Variants in GPATCH8 observed in about 807,000 individuals in gnomAD.
The protein encoded by GPATCH8 is G-patch domain containing 8.
Under a neutral mutation model 118.3 loss-of-function variants are expected in GPATCH8, and 18 were observed. That is an observed-to-expected ratio of 0.15 (90% CI 0.11 to 0.23). The LOEUF is 0.23. Ranked by LOEUF, GPATCH8 falls within the 10% of genes least tolerant of loss-of-function variation. GPATCH8 has a pLI of 1.00. For synonymous variants in GPATCH8, 659 were observed against 684.7 expected (o/e 0.96, Z 0.59); for missense variants, 1,631 against 1,873.8 (o/e 0.87, Z 2.39).
chr17:44,447,668 G>A (rs554416164), intron 3 of GPATCH8, among the ~76,000 whole-genome samples: 1 of 149,646 alleles, frequency 6.7e-6, no homozygotes, highest in Admixed American at 6.7e-5. Flanking sequence ...GCTCAGGCTG[G>A]AGATTAGAGT....
At chr17:44,408,895 T>C (rs889822995) in intron 6 of GPATCH8, among the ~76,000 whole-genome samples, 1 of 152,158 alleles carries the variant, frequency 6.6e-6, no homozygotes, top group South Asian at 2.1e-4. Context: ...GCTCCCAGTA[T>C]CACATTTACA....
Position 44,397,854 on chromosome 17 carries a change from A to G in GPATCH8, c.4223T>C (p.Ile1408Thr), listed in dbSNP as rs2048835317. 1.9e-6 allele frequency: 3 copies of G among 1,604,542 alleles called. No individual in the cohort carries two copies. The highest frequency in any genetic ancestry group is 1.3e-5 in the African/African-American group (1 of 74,686). Residue 1408 changes from isoleucine (I) to threonine (T), a missense_variant, in exon 8 of 8, where the codon ATT (isoleucine) becomes ACT (threonine). Physicochemically the swap from Ile to Thr is moderately conservative, Grantham distance 89. Coordinates refer to ENST00000591680, the MANE Select transcript of GPATCH8 (RefSeq NM_001002909.4). ...HPQPLAQVHH[I>T]PQPHLTPISL... ...AATGGGGGTCAGATGGGGCTGGGGA[A>G]TATGATGCACCTGGGCAAGTGGTTG...
Position 44,398,032 on chromosome 17 carries a change from G to A in GPATCH8, c.4045C>T (p.Leu1349=). 1.2e-6 allele frequency: 2 copies of A among 1,613,894 alleles called. No homozygotes were observed. The highest frequency in any genetic ancestry group is 1.7e-6 in the Non-Finnish European group (2 of 1,179,798). ...TGCAGGGCTGGTGTGGCTGGGGCCA[G>A]GGCAGCTGAGGCTGGAAAGGCCTTT... ...QVKAFPASAA[L]APATPALQPI... The change falls in exon 8 of 8, where the codon CTG becomes TTG. Residue 1349 remains leucine (L), a synonymous_variant. Transcript: ENST00000591680.
At chr17:44,432,698 CAA>C (rs946183101) in intron 5 of GPATCH8, among the ~76,000 whole-genome samples, 2 of 151,868 alleles carry the variant, frequency 1.3e-5, no homozygotes, top group Non-Finnish European at 2.9e-5. Context: ...CTAAAGCTTC[CAA>C]AGTCATGTGA....
chr17:44,494,653 A>T (rs188319339), intron 1 of GPATCH8, among the ~76,000 whole-genome samples: 3 of 152,024 alleles, frequency 2.0e-5, no homozygotes, highest in African/African-American at 7.2e-5. Context: ...TACACCCTCT[A>T]CTCCTTTGCT....
In GPATCH8 at chr17:44,401,068, TCTC is replaced by T; in HGVS notation, c.1006_1008del (p.Glu336del). The T allele has an allele frequency of 6.2e-7, 1 of 1,614,158 alleles. No homozygotes were observed. Among genetic ancestry groups the T allele is most frequent in the South Asian group, 1.1e-5 (1 of 91,074 alleles). On this transcript the variant is annotated inframe_deletion, in exon 8 of 8. Coordinates refer to ENST00000591680, the MANE Select transcript of GPATCH8 (RefSeq NM_001002909.4). ...TTCTGCAGTCCTTGGTCAGAACTCT[TCTC>T]ATCGGGTTTTGTTCCATCTTCAGAG...
At chr17:44,477,693 T>G (rs764226865) in intron 1 of GPATCH8, among the ~76,000 whole-genome samples, 2 of 151,066 alleles carry the variant, frequency 1.3e-5, no homozygotes, top group African/African-American at 4.9e-5. Context: ...AGGAGGAGTA[T>G]GTTTTCCAAA....
chr17:44,494,357 C>T (rs1184102738), intron 1 of GPATCH8, among the ~76,000 whole-genome samples: 1 of 152,016 alleles, frequency 6.6e-6, no homozygotes. Context: ...TTTGGGAGGC[C>T]GAGGTGGGTG....
At chr17:44,475,518 C>A (rs964787937) in intron 1 of GPATCH8, among the ~76,000 whole-genome samples, 5 of 149,518 alleles carry the variant, frequency 3.3e-5, no homozygotes, top group Non-Finnish European at 5.9e-5. Flanking sequence ...CACGGTGAAA[C>A]CCCATCTCTA....
rs193171222 is a variant in GPATCH8 at position 44,495,965 on chromosome 17, T to C, written c.45+7361A>G. Among the ~76,000 whole-genome samples, 404 of 152,310 alleles carry C rather than the reference T, an allele frequency of 2.7e-3. 1 individual carries two copies. The highest frequency in any genetic ancestry group is 4.0e-3 in the Non-Finnish European group (273 of 68,020). On this transcript the variant is annotated intron_variant, in intron 1 of 7. Transcript: ENST00000591680. ...TCACTGCAACCTCCACCTCCCAGGTTCAAGAGATTCTCCTGCCCCAGCCTC... is the reference window on the plus strand; with the variant it reads ...TCACTGCAACCTCCACCTCCCAGGTCCAAGAGATTCTCCTGCCCCAGCCTC...
rs2048958125 is a variant in GPATCH8, at chr17:44,400,123, C to T, written c.1954G>A (p.Gly652Arg). Residue 652 changes from glycine to arginine, a missense_variant, in exon 8 of 8, where the codon GGG becomes AGG. Gly to Arg is a moderately radical substitution (Grantham distance 125, BLOSUM62 -2). Transcript: ENST00000591680. ...LNKQEPGGSH[G>R]SETEDTGRSL... ...CTCCCTGTGTCTTCTGTCTCAGACC[C>T]ATGGCTACCCCCAGGCTCCTGCTTG... 1 of 1,614,026 alleles carries T rather than the reference C, an allele frequency of 6.2e-7. No homozygotes were observed. Among genetic ancestry groups the T allele is most frequent in the East Asian group, 2.2e-5 (1 of 44,860 alleles).
chr17:44,399,989 T>C lies in GPATCH8; in HGVS notation c.2088A>G (p.Glu696=), dbSNP rs982373110. The C allele has an allele frequency of 3.1e-6, 5 of 1,614,168 alleles. No individual in the cohort carries two copies. The change falls in exon 8 of 8, where the codon GAA becomes GAG. Residue 696 remains glutamate (E), a synonymous_variant. Transcript: ENST00000591680. The part of the protein sequence containing the change: ...KHKRKHKADT[E]EKSSKAESGE... ...CTGACTCTGCCTTAGAGCTTTTCTC[T>C]TCTGTGTCAGCCTTGTGTTTACGTT...
At position 44,401,247 on chromosome 17, in the gene GPATCH8, C is replaced by T; in HGVS notation, c.830G>A (p.Gly277Glu). The T allele has an allele frequency of 6.2e-7, 1 of 1,613,962 alleles. No homozygotes were observed. The highest frequency in any genetic ancestry group is 8.5e-7 in the Non-Finnish European group (1 of 1,179,838). ...AAAGCTGATGCCTTGGGAGGCTAAC[C>T]CAGGAGCCTGGGCCAGTCCAGTGGT... is the stretch of plus-strand genomic sequence containing the variant. ...TNTTGLAQAP[G>E]LASQGISFGI... Residue 277 changes from glycine (G) to glutamate (E), a missense_variant, in exon 8 of 8, where the codon GGG becomes GAG. By Grantham distance (98) the Gly-to-Glu change is moderately conservative (BLOSUM62 -2). Around this residue, in one of 8 missense-constraint regions of GPATCH8, gnomAD observed 405 missense variants for 462.7 expected, o/e 0.88. Coordinates refer to ENST00000591680, the MANE Select transcript of GPATCH8 (RefSeq NM_001002909.4).
Position 44,400,626 on chromosome 17 carries a change from T to C in GPATCH8, c.1451A>G (p.Lys484Arg). 6.2e-7 allele frequency: 1 copy of C among 1,613,966 alleles called. No homozygotes were observed. The highest frequency in any genetic ancestry group is 8.5e-7 in the Non-Finnish European group (1 of 1,179,850). The stretch of plus-strand genomic sequence containing the variant: ...ATCACTTACATCCCCTCCTAAGGCC[T>C]TCTTTGCCTCAGCTTTGCTTCCTGG... Reference protein sequence around the residue: ...SEPGSKAEAKKALGGDVSDQS... With the variant: ...SEPGSKAEAKRALGGDVSDQS... The change falls in exon 8 of 8, where the codon AAG becomes AGG. Residue 484 changes from lysine (K) to arginine (R), a missense_variant. Around this residue, in one of 8 missense-constraint regions of GPATCH8, gnomAD observed 405 missense variants for 462.7 expected, o/e 0.88. Coordinates refer to ENST00000591680, the MANE Select transcript of GPATCH8 (RefSeq NM_001002909.4).
chr17:44,424,454 C>T lies in GPATCH8; in HGVS notation c.387G>A (p.Leu129=). ...AATAAAAGTTGGCTCTGAGGTCTTC[C>T]AAGGCTTTGGCAATTGCCTTCTCTT... ...VDKEKAIAKA[L]EDLRANFYCE... is the part of the protein sequence containing the mutation. The change falls in exon 6 of 8, where the codon TTG becomes TTA. Residue 129 remains leucine (L), a synonymous_variant. Transcript: ENST00000591680. 6.2e-7 allele frequency: 1 copy of T among 1,607,082 alleles called. No individual in the cohort carries two copies. The highest frequency in any genetic ancestry group is 1.1e-5 in the South Asian group (1 of 90,944).
At chr17:44,485,855 T>C (rs1435843663) in intron 1 of GPATCH8, among the ~76,000 whole-genome samples, 1 of 152,218 alleles carries the variant, frequency 6.6e-6, no homozygotes, top group Non-Finnish European at 1.5e-5. Flanking sequence ...TCTTCATCTA[T>C]ATGCCCTATA....
At position 44,400,932 on chromosome 17, in the gene GPATCH8, C is replaced by T. The variant is rs779466880; in HGVS notation, c.1145G>A (p.Arg382Gln). 1.1e-5 allele frequency: 18 copies of T among 1,614,010 alleles called. No individual in the cohort carries two copies. The highest frequency in any genetic ancestry group is 5.5e-5 in the South Asian group (5 of 91,082). The change falls in exon 8 of 8, where the codon CGA (arginine) becomes CAA (glutamine). Residue 382 changes from arginine (R) to glutamine (Q), a missense_variant. Around this residue, in one of 8 missense-constraint regions of GPATCH8, gnomAD observed 405 missense variants for 462.7 expected, o/e 0.88. Coordinates refer to ENST00000591680, the MANE Select transcript of GPATCH8 (RefSeq NM_001002909.4). ...STLSKLKRMKREEGAGATEPE... is the reference protein window; with the variant it reads ...STLSKLKRMKQEEGAGATEPE... ...CTCTGTAGCCCCAGCTCCTTCTTCT[C>T]GTTTCATCCTTTTTAATTTGGATAA...
chr17:44,446,151 T>C (rs1000939276), intron 3 of GPATCH8, among the ~76,000 whole-genome samples: 1 of 152,046 alleles, frequency 6.6e-6, no homozygotes, highest in Admixed American at 6.6e-5. Flanking sequence ...TGTCTCACTA[T>C]GTTGCCCAGG....
chr17:44,494,721 G>C (rs970572105), intron 1 of GPATCH8, among the ~76,000 whole-genome samples: 5 of 152,138 alleles, frequency 3.3e-5, no homozygotes, highest in Non-Finnish European at 4.4e-5. Flanking sequence ...AACTATATGG[G>C]TATAGCACAT....
Sources: gnomAD v4.1 joint callset for allele counts (sites outside exome capture counted in the v4.1 genomes callset) on GRCh38, gnomAD v4.1.1 for gene constraint, gnomAD v4.1.1 regional missense constraint, MANE v1.5 for transcripts, NCBI Gene and HGNC (gene_info 2026-07-23, HGNC 2026-07-21) for gene names.